KLF7: variants seen among roughly 807,000 people sequenced by gnomAD.
The protein encoded by KLF7 is Krueppel-like factor 7.
A neutral mutation model predicts 27.3 loss-of-function variants in KLF7; 2 were observed. That is an observed-to-expected ratio of 0.07 (90% CI 0.03 to 0.23). The LOEUF (loss-of-function observed/expected upper bound fraction) is 0.23, where lower values mean the gene tolerates loss of function less well. Ranked by LOEUF, KLF7 falls within the 10% of genes least tolerant of loss-of-function variation. KLF7 has a pLI of 1.00. For synonymous variants in KLF7, 165 were observed against 162.4 expected (o/e 1.02, Z -0.12); for missense variants, 221 against 394.1 (o/e 0.56, Z 3.72).
chr2:207,099,821 T>C (rs1162994717), intron 2 of KLF7, among the ~76,000 whole-genome samples: 4 of 152,074 alleles, frequency 2.6e-5, no homozygotes, highest in African/African-American at 9.6e-5. Context: ...AAAGGCAATG[T>C]TATCAATCTT....
intron 1 of KLF7, among the ~76,000 whole-genome samples, chr2:207,161,938 T>TTGATTCA: frequency 6.6e-6 from 1 of 152,276 alleles, no homozygotes; most frequent in Admixed American, 6.5e-5. Flanking sequence ...TGAATCAGCA[T>TTGATTCA]TAACAACAAA....
intron 2 of KLF7, among the ~76,000 whole-genome samples, chr2:207,117,496 T>G (rs895722516): frequency 6.6e-6 from 1 of 152,208 alleles, no homozygotes; most frequent in Non-Finnish European, 1.5e-5. Flanking sequence ...TAATCGGGGT[T>G]TAATGAGTTT....
At chr2:207,093,597 T>C (rs1224554857) in intron 2 of KLF7, among the ~76,000 whole-genome samples, 1 of 152,224 alleles carries the variant, frequency 6.6e-6, no homozygotes, top group East Asian at 1.9e-4. Flanking sequence ...CAGTTGCACA[T>C]TGTTTGAGTG....
At chr2:207,161,616 A>G (rs2078548333) in intron 1 of KLF7, among the ~76,000 whole-genome samples, 1 of 152,228 alleles carries the variant, frequency 6.6e-6, no homozygotes, top group Non-Finnish European at 1.5e-5. Flanking sequence ...TGTGGCTCAC[A>G]GACCAAATCC....
rs185550702 is a variant in KLF7, at chr2:207,151,070, C to T, written c.102+14397G>A. On this transcript the variant is annotated intron_variant, in intron 1 of 3. Coordinates refer to ENST00000309446, the MANE Select transcript of KLF7 (RefSeq NM_003709.4). ...GAAAAGGAGGGGTGAGGAGAGTTTACCAAGCCTTAGAGAGGCGTTAAAGAC... is the reference window on the plus strand; with the variant it reads ...GAAAAGGAGGGGTGAGGAGAGTTTATCAAGCCTTAGAGAGGCGTTAAAGAC... Among the ~76,000 whole-genome samples, 652 of 147,788 alleles carry T rather than the reference C, an allele frequency of 4.4e-3. 5 individuals are homozygous for T. Among genetic ancestry groups the T allele is most frequent in the Non-Finnish European group, 7.8e-3 (522 of 67,276 alleles).
chr2:207,103,542 T>C (rs2076814160), intron 2 of KLF7, among the ~76,000 whole-genome samples: 2 of 152,214 alleles, frequency 1.3e-5, no homozygotes, highest in Non-Finnish European at 2.9e-5. Flanking sequence ...TTAACATACA[T>C]GAACAAAGGA....
intron 2 of KLF7, among the ~76,000 whole-genome samples, chr2:207,103,475 C>T (rs1416842210): frequency 6.6e-6 from 1 of 152,208 alleles, no homozygotes; most frequent in Non-Finnish European, 1.5e-5. Context: ...CTTTAAGCTC[C>T]TGTTAGCTTG....
rs1314365814 is a variant in KLF7 at position 207,075,789 on chromosome 2, C to T, written c.*5424G>A. On this transcript the variant is annotated 3_prime_UTR_variant, in exon 4 of 4. Coordinates refer to ENST00000309446, the MANE Select transcript of KLF7 (RefSeq NM_003709.4). ...CCATTAACAGGTGTATTTTTCCTCC[C>T]TGGAATGAAGCAGAAGTGAAAGATA... The T allele has an allele frequency of 1.3e-5, 2 of 151,868 alleles. No individual in the cohort carries two copies. Among genetic ancestry groups the T allele is most frequent in the Non-Finnish European group, 2.9e-5 (2 of 67,974 alleles). 9.4% of individuals were successfully genotyped at this position (151,868 alleles called of 1,614,324 possible). A position where few individuals can be genotyped will look rare whatever the true frequency, so the allele number is the denominator to read the frequency against.
At chr2:207,158,225 G>A (rs1432398718) in intron 1 of KLF7, among the ~76,000 whole-genome samples, 1 of 152,138 alleles carries the variant, frequency 6.6e-6, no homozygotes, top group Non-Finnish European at 1.5e-5. Context: ...AGGGCAAAAA[G>A]TAACTGGGGA....
At chr2:207,173,492 A>C in the KLF7 span, 1 of 152,050 alleles carries the variant, frequency 6.6e-6, no homozygotes, top group East Asian at 1.9e-4. Flanking sequence ...TGAGATTTCT[A>C]GACATGATAT....
chr2:207,143,101 A>C (rs983255280), intron 1 of KLF7, among the ~76,000 whole-genome samples: 2 of 152,234 alleles, frequency 1.3e-5, no homozygotes, highest in Non-Finnish European at 2.9e-5. Flanking sequence ...AAACAACACA[A>C]CAACAAAAAC....
At chr2:207,128,486 A>C (rs1354760829) in intron 1 of KLF7, among the ~76,000 whole-genome samples, 1 of 152,226 alleles carries the variant, frequency 6.6e-6, no homozygotes, top group Admixed American at 6.5e-5. Flanking sequence ...TAGTAGAAAG[A>C]TCTATGATGA....
At chr2:207,141,318 AC>A (rs1254115423) in intron 1 of KLF7, among the ~76,000 whole-genome samples, 54 of 152,264 alleles carry the variant, frequency 3.5e-4, no homozygotes, top group Non-Finnish European at 2.9e-5. Context: ...ATGATACAAG[AC>A]CACATACTTG....
At chr2:207,127,662 T>C (rs1201593946) in intron 1 of KLF7, among the ~76,000 whole-genome samples, 1 of 151,986 alleles carries the variant, frequency 6.6e-6, no homozygotes, top group Non-Finnish European at 1.5e-5. Context: ...GCCAATATGA[T>C]GAAACCCCAT....
In KLF7 at chr2:207,078,411, A is replaced by C. The variant is rs2076212227; in HGVS notation, c.*2802T>G. 2 of 152,254 alleles carry C rather than the reference A, an allele frequency of 1.3e-5. No individual in the cohort carries two copies. Among genetic ancestry groups the C allele is most frequent in the African/African-American group, 2.4e-5 (1 of 41,466 alleles). 9.4% of individuals were successfully genotyped at this position (152,254 alleles called of 1,614,324 possible). A position where few individuals can be genotyped will look rare whatever the true frequency, so the allele number is the denominator to read the frequency against. On this transcript the variant is annotated 3_prime_UTR_variant, in exon 4 of 4. Coordinates refer to ENST00000309446, the MANE Select transcript of KLF7 (RefSeq NM_003709.4). Reference sequence around the variant, plus strand: ...AGGGCCTTTGTTCTGCCACATTCAAATGAGACCACAGATGAAAATAGGGAG... The same window carrying C: ...AGGGCCTTTGTTCTGCCACATTCAACTGAGACCACAGATGAAAATAGGGAG...
At chr2:207,133,261 T>C (rs1240363507) in intron 1 of KLF7, among the ~76,000 whole-genome samples, 1 of 152,166 alleles carries the variant, frequency 6.6e-6, no homozygotes, top group Non-Finnish European at 1.5e-5. Flanking sequence ...CTTTGGTCAT[T>C]ACACTTCCAC....
At chr2:207,148,999 C>A in intron 1 of KLF7, 2 of 1,155,898 alleles carry the variant, frequency 1.7e-6, no homozygotes, top group South Asian at 1.7e-5. Flanking sequence ...ATCTACTGTC[C>A]TTCCTTTTGT....
Position 207,080,671 on chromosome 2 carries a change from G to C in KLF7, c.*542C>G, listed in dbSNP as rs1481159834. ...CACACAAAGGACAAATAAACCAAGA[G>C]TTAATTTTGGCTACCAAACTGCAAT... On this transcript the variant is annotated 3_prime_UTR_variant, in exon 4 of 4. Transcript: ENST00000309446. 5.0e-6 allele frequency: 2 copies of C among 396,962 alleles called. No homozygotes were observed. Among genetic ancestry groups the C allele is most frequent in the Non-Finnish European group, 4.4e-6 (1 of 225,472 alleles). 24.6% of individuals were successfully genotyped at this position (396,962 alleles called of 1,614,324 possible).
chr2:207,138,306 T>C, intron 1 of KLF7, among the ~76,000 whole-genome samples: 1 of 152,232 alleles, frequency 6.6e-6, no homozygotes, highest in Non-Finnish European at 1.5e-5. Context: ...GGAAGGTTGC[T>C]ACATATGCAC....
Sources: gnomAD v4.1 joint callset for allele counts (sites outside exome capture counted in the v4.1 genomes callset) on GRCh38, gnomAD v4.1.1 for gene constraint, MANE v1.5 for transcripts, NCBI Gene and HGNC (gene_info 2026-07-23, HGNC 2026-07-21) for gene names.